FAM193A: variants seen among roughly 807,000 people sequenced by gnomAD.
FAM193A encodes the protein protein FAM193A.
Under a neutral mutation model 126.5 loss-of-function variants are expected in FAM193A, and 22 were observed. That is an observed-to-expected ratio of 0.17 (90% confidence interval 0.12 to 0.25). FAM193A has a LOEUF of 0.25. Among genes scored for constraint, FAM193A ranks in the 10% least tolerant of loss-of-function variants. The probability of loss-of-function intolerance (pLI) is 1.00; values close to 1 mark genes in which losing one functional copy is unlikely to be tolerated. For missense variants in FAM193A, 1,675 were observed against 1,672.8 expected (o/e 1.00, Z -0.02); for synonymous variants, 761 against 646.8 (o/e 1.18, Z -2.68).
Position 2,659,719 on chromosome 4 carries a change from T to C in FAM193A, c.1502+49T>C, listed in dbSNP as rs1485450944. 2.5e-6 allele frequency: 4 copies of C among 1,612,210 alleles called. No homozygotes were observed. The African/African-American group carries it at 5.3e-5, about 21-fold the overall frequency. Reference sequence around the variant, plus strand: ...CACGACTGGCCCATTGGACCTTCACTGGGCTGAGTGGAGGCCTAGAACCGA... The same window carrying C: ...CACGACTGGCCCATTGGACCTTCACCGGGCTGAGTGGAGGCCTAGAACCGA... On this transcript the variant is annotated intron_variant, in intron 9 of 20. Coordinates refer to ENST00000637812, the MANE Select transcript of FAM193A (RefSeq NM_001366318.2).
intron 19 of FAM193A, among the ~76,000 whole-genome samples, chr4:2,711,077 C>T (rs1718913526): frequency 6.6e-6 from 1 of 152,108 alleles, no homozygotes; most frequent in African/African-American, 2.4e-5. Flanking sequence ...TGGTCTCGAT[C>T]TCCTGACCTT....
intron 2 of FAM193A, among the ~76,000 whole-genome samples, chr4:2,605,733 A>G (rs1423669669): frequency 6.6e-6 from 1 of 152,118 alleles, no homozygotes; most frequent in African/African-American, 2.4e-5. Flanking sequence ...GCACTTTGGG[A>G]GGCCAAGATG....
At chr4:2,625,868 C>T (rs1474664410) in intron 3 of FAM193A, among the ~76,000 whole-genome samples, 3 of 151,966 alleles carry the variant, frequency 2.0e-5, no homozygotes, top group Admixed American at 6.6e-5. Context: ...GGACTACAGG[C>T]GCGCACCACC....
intron 1 of FAM193A, among the ~76,000 whole-genome samples, chr4:2,576,185 C>T (rs1739577110): frequency 6.6e-6 from 1 of 152,174 alleles, no homozygotes; most frequent in African/African-American, 2.4e-5. Flanking sequence ...CAACCTCCAC[C>T]TCCCAGGTTC....
At chr4:2,688,720 C>CA (rs1171226860) in intron 13 of FAM193A, among the ~76,000 whole-genome samples, 1 of 152,254 alleles carries the variant, frequency 6.6e-6, no homozygotes, top group African/African-American at 2.4e-5. Flanking sequence ...GTTCGTGGTG[C>CA]AAATGTGCAG....
At chr4:2,644,421 T>G (rs1744931788) in intron 6 of FAM193A, among the ~76,000 whole-genome samples, 1 of 152,020 alleles carries the variant, frequency 6.6e-6, no homozygotes, top group Non-Finnish European at 1.5e-5. Context: ...TGGAAACCAG[T>G]CACGGAAGAG....
chr4:2,730,148 T>C (rs1012993548), intron 20 of FAM193A, among the ~76,000 whole-genome samples: 3 of 152,134 alleles, frequency 2.0e-5, no homozygotes, highest in Non-Finnish European at 4.4e-5. Context: ...GTTCAAGTGA[T>C]TCTCCAACCT....
chr4:2,655,205 C>A, intron 7 of FAM193A: 1 of 576,314 alleles, frequency 1.7e-6, no homozygotes, highest in Non-Finnish European at 3.2e-6. Flanking sequence ...AGAAGTTTAC[C>A]TTTATTTCTA....
intron 20 of FAM193A, among the ~76,000 whole-genome samples, chr4:2,728,895 A>ATTTT (rs1491485597): frequency 1.6e-4 from 17 of 105,720 alleles, no homozygotes; most frequent in African/African-American, 4.2e-4. Flanking sequence ...CACCTCCAAA[A>ATTTT]CTTTTTTTTT....
intron 7 of FAM193A, among the ~76,000 whole-genome samples, chr4:2,652,683 C>T (rs754124538): frequency 6.6e-6 from 1 of 152,152 alleles, no homozygotes; most frequent in Non-Finnish European, 1.5e-5. Context: ...CCACCAGGCC[C>T]CATCTCCAAC....
chr4:2,726,217 G>A (rs1720731440), intron 20 of FAM193A, among the ~76,000 whole-genome samples: 1 of 152,002 alleles, frequency 6.6e-6, no homozygotes, highest in African/African-American at 2.4e-5. Context: ...TTTTTAAAAT[G>A]TTTAGTAGAG....
intron 1 of FAM193A, among the ~76,000 whole-genome samples, chr4:2,585,588 T>G (rs1172201419): frequency 6.6e-6 from 1 of 152,260 alleles, no homozygotes; most frequent in East Asian, 1.9e-4. Context: ...TTTTCACTTT[T>G]TTTTGTCATT....
At chr4:2,556,059 G>C (rs867983531) in intron 1 of FAM193A, among the ~76,000 whole-genome samples, 4 of 151,806 alleles carry the variant, frequency 2.6e-5, no homozygotes, top group African/African-American at 9.7e-5. Context: ...ACCACGCCTG[G>C]ATAATTTTGT....
intron 1 of FAM193A, among the ~76,000 whole-genome samples, chr4:2,589,513 T>G (rs948909585): frequency 6.6e-6 from 1 of 152,236 alleles, no homozygotes; most frequent in Non-Finnish European, 1.5e-5. Flanking sequence ...TTGAATTTTA[T>G]TGAGTTTCCA....
At chr4:2,609,701 G>C (rs1314251807) in intron 2 of FAM193A, among the ~76,000 whole-genome samples, 2 of 151,186 alleles carry the variant, frequency 1.3e-5, no homozygotes, top group Admixed American at 1.3e-4. Flanking sequence ...AGGCCGAGGC[G>C]GGTGGATCAT....
Position 2,540,685 on chromosome 4 carries a change from G to C in FAM193A, c.255+3515G>C, listed in dbSNP as rs561529174. 6.6e-5 allele frequency among the ~76,000 whole-genome samples: 10 copies of C among 152,206 alleles called. No homozygotes were observed. In the South Asian group the frequency reaches 2.1e-3, roughly 32 times the overall value. Reference sequence around the variant, plus strand: ...GAACAAAAACGAAAAAACAGGCCGAGTGCGGTGGCTCACACCTGTAATCCC... The same window carrying C: ...GAACAAAAACGAAAAAACAGGCCGACTGCGGTGGCTCACACCTGTAATCCC... On this transcript the variant is annotated intron_variant, in intron 1 of 20. Coordinates refer to ENST00000637812, the MANE Select transcript of FAM193A (RefSeq NM_001366318.2).
intron 6 of FAM193A, among the ~76,000 whole-genome samples, chr4:2,642,162 G>A (rs1408544651): frequency 6.6e-6 from 1 of 150,612 alleles, no homozygotes; most frequent in Non-Finnish European, 1.5e-5. Flanking sequence ...AAATTAGCTG[G>A]GCATGGTGGC....
chr4:2,631,070 G>A lies in FAM193A; in HGVS notation c.939G>A (p.Gln313=). Residue 313 remains glutamine, a synonymous_variant, in exon 5 of 21, where the codon CAG becomes CAA. Transcript: ENST00000637812. ...AAKVKAPSGL[Q]GPPQAHQFIS... is the part of the protein sequence containing the mutation. The stretch of plus-strand genomic sequence containing the variant: ...AGGTGAAGGCACCATCTGGCCTGCA[G>A]GGCCCGCCGCAAGCGCACCAGTTCA... 6.2e-7 allele frequency: 1 copy of A among 1,613,568 alleles called. No individual in the cohort carries two copies. The highest frequency in any genetic ancestry group is 8.5e-7 in the Non-Finnish European group (1 of 1,180,004).
chr4:2,664,567 T>C (rs1577164562), intron 12 of FAM193A, among the ~76,000 whole-genome samples: 1 of 129,810 alleles, frequency 7.7e-6, no homozygotes, highest in Non-Finnish European at 1.6e-5. Context: ...TCTTTTTTTT[T>C]TTTTTTTTTT....
Sources: gnomAD v4.1 joint callset for allele counts (sites outside exome capture counted in the v4.1 genomes callset) on GRCh38, gnomAD v4.1.1 for gene constraint, MANE v1.5 for transcripts, NCBI Gene and HGNC (gene_info 2026-07-23, HGNC 2026-07-21) for gene names.